ARHGAP20: variants seen among roughly 807,000 people sequenced by gnomAD.
ARHGAP20 encodes the protein Rho GTPase activating protein 20, also known as rho GTPase-activating protein 20.
In ARHGAP20, 34 loss-of-function variants were observed where a neutral mutation model predicts 73.7. The ratio of observed to expected loss-of-function variants is 0.46; its 90% CI spans 0.35 to 0.61. The LOEUF is 0.61. Ranked by LOEUF, ARHGAP20 falls within the 20% of genes least tolerant of loss-of-function variation. The probability of loss-of-function intolerance (pLI) is 0.00; values close to 1 mark genes in which losing one functional copy is unlikely to be tolerated. For synonymous variants in ARHGAP20, 523 were observed against 518.2 expected, an observed-to-expected ratio of 1.01 and a Z score of -0.13; for missense variants, 1,314 against 1,420.9, an observed-to-expected ratio of 0.92 and a Z score of 1.21.
chr11:110,605,941 C>T (rs1049623474), intron 9 of ARHGAP20, among the ~76,000 whole-genome samples: 4 of 152,240 alleles, frequency 2.6e-5, no homozygotes, highest in African/African-American at 7.2e-5. Context: ...GTTGCTTATA[C>T]AATCTTCCTT....
chr11:110,610,910 T>C (rs1416928478), intron 7 of ARHGAP20, among the ~76,000 whole-genome samples: 1 of 152,010 alleles, frequency 6.6e-6, no homozygotes, highest in Non-Finnish European at 1.5e-5. Context: ...CTAAGACTGA[T>C]TGAGTCTTGG....
chr11:110,632,006 G>A (rs1948870055), intron 2 of ARHGAP20, among the ~76,000 whole-genome samples: 1 of 152,126 alleles, frequency 6.6e-6, no homozygotes, highest in South Asian at 2.1e-4. Context: ...ATTCATTCAT[G>A]TTATTACATT....
At chr11:110,587,257 AGTCT>A (rs1947695261) in intron 11 of ARHGAP20, among the ~76,000 whole-genome samples, 1 of 152,224 alleles carries the variant, frequency 6.6e-6, no homozygotes, top group African/African-American at 2.4e-5. Context: ...TCAAGCTTGC[AGTCT>A]GATCTCCACC....
chr11:110,588,846 C>T (rs1424687002), intron 11 of ARHGAP20, among the ~76,000 whole-genome samples: 1 of 151,924 alleles, frequency 6.6e-6, no homozygotes, highest in Non-Finnish European at 1.5e-5. Flanking sequence ...CCGAGGCGGG[C>T]GGATCACGAG....
chr11:110,681,073 T>C (rs1950028261), intron 2 of ARHGAP20, among the ~76,000 whole-genome samples: 1 of 152,200 alleles, frequency 6.6e-6, no homozygotes, highest in South Asian at 2.1e-4. Flanking sequence ...ATACCTTGGA[T>C]CATTCACAGA....
intron 1 of ARHGAP20, among the ~76,000 whole-genome samples, chr11:110,697,225 T>C (rs754914274): frequency 2.0e-4 from 31 of 151,728 alleles, no homozygotes; most frequent in Non-Finnish European, 4.0e-4. Flanking sequence ...ATGTTTCCTT[T>C]TCTCCACATC....
Position 110,712,242 on chromosome 11 carries a change from T to A in ARHGAP20, c.-11A>T. 7.5e-7 allele frequency: 1 copy of A among 1,334,286 alleles called. No homozygotes were observed. The highest frequency in any genetic ancestry group is 9.7e-7 in the Non-Finnish European group (1 of 1,033,648). The allele number at this position is 1,334,286 out of a possible 1,614,324, so 82.7% of individuals were successfully genotyped here. A position where few individuals can be genotyped will look rare whatever the true frequency, so the allele number is the denominator to read the frequency against. On this transcript the variant is annotated 5_prime_UTR_variant, in exon 1 of 15. In the 5' UTR this introduces an upstream ATG that the reference lacks. Coordinates refer to ENST00000683387, the MANE Select transcript of ARHGAP20 (RefSeq NM_001384657.1). ...GGACATCGCTTCCATGAAGAAAATC[T>A]TCAAACAAATCCCAGCCCAGGAGGA...
Position 110,711,684 on chromosome 11 carries a change from G to C in ARHGAP20, c.105+443C>G, listed in dbSNP as rs1040097398. Reference sequence around the variant, plus strand: ...TTCTTCAGCGCCGGCTGCCGCTCCCGGGCAGACATCGCCGGCCCTGACTTT... The same window carrying C: ...TTCTTCAGCGCCGGCTGCCGCTCCCCGGCAGACATCGCCGGCCCTGACTTT... On this transcript the variant is annotated intron_variant, in intron 1 of 14. Transcript: ENST00000683387. 4 of 1,455,860 alleles carry C rather than the reference G, an allele frequency of 2.7e-6. No individual in the cohort carries two copies. In the African/African-American group the frequency reaches 4.4e-5, roughly 16 times the overall value. 90.2% of individuals were successfully genotyped at this position (1,455,860 alleles called of 1,614,324 possible). A position where few individuals can be genotyped will look rare whatever the true frequency, so the allele number is the denominator to read the frequency against.
intron 2 of ARHGAP20, among the ~76,000 whole-genome samples, chr11:110,653,868 T>C (rs1193531933): frequency 6.6e-6 from 1 of 152,156 alleles, no homozygotes; most frequent in Non-Finnish European, 1.5e-5. Context: ...ATATACACCA[T>C]GGAATACCAG....
intron 1 of ARHGAP20, among the ~76,000 whole-genome samples, chr11:110,707,917 G>A (rs1158956005): frequency 1.3e-5 from 2 of 148,702 alleles, no homozygotes; most frequent in Admixed American, 6.7e-5. Flanking sequence ...GTAGCCACTA[G>A]ACACATGTGG....
At chr11:110,711,267 C>T (rs2135166193) in intron 1 of ARHGAP20, among the ~76,000 whole-genome samples, 1 of 152,276 alleles carries the variant, frequency 6.6e-6, no homozygotes, top group East Asian at 1.9e-4. Context: ...CATCCCTCTC[C>T]CAGCTTTGAC....
At chr11:110,583,856 A>G in intron 12 of ARHGAP20, 119 bp from the exon 13 acceptor site, 2 of 777,820 alleles carry the variant, frequency 2.6e-6, no homozygotes, top group Non-Finnish European at 3.8e-6. Context: ...GATATGCAAG[A>G]GTTTCAGTTA....
chr11:110,580,903 G>A lies in ARHGAP20; in HGVS notation c.2043C>T (p.Cys681=), dbSNP rs760235650. The A allele has an allele frequency of 1.2e-6, 2 of 1,613,506 alleles. No homozygotes were observed. The highest frequency in any genetic ancestry group is 1.7e-6 in the Non-Finnish European group (2 of 1,179,442). ...RDHARAPSAM[C]TPSYLSTAAA... is the part of the protein sequence containing the mutation. ...CAGCTGTGGACAGGTAGCTGGGTGT[G>A]CACATGGCAGATGGGGCCCTGGCAT... Residue 681 remains cysteine, a synonymous_variant, in exon 15 of 15, where the codon TGC becomes TGT. Coordinates refer to ENST00000683387, the MANE Select transcript of ARHGAP20 (RefSeq NM_001384657.1).
chr11:110,602,631 A>G (rs1591308631), intron 9 of ARHGAP20, among the ~76,000 whole-genome samples: 1 of 152,224 alleles, frequency 6.6e-6, no homozygotes, highest in East Asian at 1.9e-4. Flanking sequence ...CTTGCAGTAG[A>G]TTAAGAAAGG....
intron 1 of ARHGAP20, among the ~76,000 whole-genome samples, chr11:110,706,757 G>C (rs1454815731): frequency 6.6e-6 from 1 of 152,014 alleles, no homozygotes; most frequent in Non-Finnish European, 1.5e-5. Context: ...AAGTTCAGAG[G>C]TCACATGAGG....
chr11:110,578,103 C>T lies in ARHGAP20; in HGVS notation c.*1267G>A. On this transcript the variant is annotated 3_prime_UTR_variant, in exon 15 of 15. Transcript: ENST00000683387. ...GTTGGCAAGGCCTGATAATCTATTC[C>T]TAGGTGACGAGATGTACTGCTGCAA... is the stretch of plus-strand genomic sequence containing the variant. The T allele has an allele frequency of 1.0e-6, 1 of 985,416 alleles. No individual in the cohort carries two copies. The highest frequency in any genetic ancestry group is 1.2e-6 in the Non-Finnish European group (1 of 829,950). The allele number at this position is 985,416 out of a possible 1,614,324, so 61.0% of individuals were successfully genotyped here. A position where few individuals can be genotyped will look rare whatever the true frequency, so the allele number is the denominator to read the frequency against.
At position 110,712,142 on chromosome 11, in the gene ARHGAP20, G is replaced by A. The variant is rs751380960; in HGVS notation, c.90C>T (p.Gly30=). 5 of 1,358,412 alleles carry A rather than the reference G, an allele frequency of 3.7e-6. No homozygotes were observed. In the Admixed American group the frequency reaches 9.0e-5, roughly 24 times the overall value. The allele number at this position is 1,358,412 out of a possible 1,614,324, so 84.1% of individuals were successfully genotyped here. A position where few individuals can be genotyped will look rare whatever the true frequency, so the allele number is the denominator to read the frequency against. The part of the protein sequence containing the change: ...SLTGVSRLAG[G]SCTKKKMKTL... ...GCGTCCTCACCTTCTTGGTGCAGCT[G>A]CCTCCCGCGAGCCGAGACACTCCTG... The change falls in exon 1 of 15, where the codon GGC becomes GGT. Residue 30 remains glycine (G), a synonymous_variant. Coordinates refer to ENST00000683387, the MANE Select transcript of ARHGAP20 (RefSeq NM_001384657.1).
At chr11:110,622,578 A>G (rs950640825) in intron 4 of ARHGAP20, among the ~76,000 whole-genome samples, 29 of 152,278 alleles carry the variant, frequency 1.9e-4, no homozygotes, top group African/African-American at 7.0e-4. Context: ...TCTAGAAGCT[A>G]ATCTAGAATA....
intron 2 of ARHGAP20, among the ~76,000 whole-genome samples, chr11:110,666,491 T>G (rs567243366): frequency 1.3e-5 from 2 of 152,340 alleles, no homozygotes; most frequent in East Asian, 3.9e-4. Flanking sequence ...CATATTGGCA[T>G]GAAGAACAGC....
Sources: allele counts gnomAD v4.1 joint callset (sites outside exome capture counted in the v4.1 genomes callset), GRCh38; gene constraint gnomAD v4.1.1; transcripts MANE v1.5; gene names NCBI Gene and HGNC (gene_info 2026-07-23, HGNC 2026-07-21).